CREM: variants seen among roughly 807,000 people sequenced by gnomAD.
The protein encoded by CREM is cAMP responsive element modulator.
CREM carries 13 observed loss-of-function variants against 37.3 expected under a neutral mutation model. That is an observed-to-expected ratio of 0.35 (90% CI 0.23 to 0.55). The LOEUF is 0.55. Among genes scored for constraint, CREM ranks in the 20% least tolerant of loss-of-function variants. The pLI is 0.88. For synonymous variants in CREM, 124 were observed against 120.2 expected, an observed-to-expected ratio of 1.03 and a Z score of -0.21; for missense variants, 296 against 362.3, an observed-to-expected ratio of 0.82 and a Z score of 1.49.
At chr10:35,210,450 T>G (rs934482123) in intron 7 of CREM, 1 of 152,252 alleles carries the variant, frequency 6.6e-6, no homozygotes, top group Non-Finnish European at 1.5e-5. Flanking sequence ...TTCTTTCATT[T>G]TGGGCTTATA....
intron 6 of CREM, among the ~76,000 whole-genome samples, chr10:35,201,685 C>T (rs534651547): frequency 1.3e-5 from 2 of 151,598 alleles, no homozygotes; most frequent in South Asian, 2.1e-4. Context: ...GATGGAAGCA[C>T]ATCATAATGA....
intron 3 of CREM, among the ~76,000 whole-genome samples, chr10:35,153,598 A>T (rs2092722278): frequency 1.3e-5 from 2 of 152,302 alleles, no homozygotes; most frequent in African/African-American, 4.8e-5. Context: ...GGTCATTCAG[A>T]TGGAGCCAGT....
intron 7 of CREM, chr10:35,210,377 G>T (rs1443868226): frequency 6.6e-6 from 1 of 152,164 alleles, no homozygotes; most frequent in African/African-American, 2.4e-5. Flanking sequence ...TTTTGGTGGG[G>T]TTATGTATGA....
chr10:35,189,181 T>C (rs555675301), intron 6 of CREM, among the ~76,000 whole-genome samples: 2 of 148,300 alleles, frequency 1.3e-5, no homozygotes, highest in South Asian at 2.1e-4. Context: ...TTTTTTGTTT[T>C]TTTTTGTTTG....
chr10:35,200,738 G>C (rs538748904), intron 6 of CREM, among the ~76,000 whole-genome samples: 2 of 152,288 alleles, frequency 1.3e-5, no homozygotes, highest in East Asian at 3.9e-4. Context: ...TGACATCTAA[G>C]TTAACCTCTG....
chr10:35,168,679 A>G (rs1368900805), intron 3 of CREM, among the ~76,000 whole-genome samples: 4 of 152,184 alleles, frequency 2.6e-5, no homozygotes, highest in South Asian at 4.1e-4. Flanking sequence ...GCCCATGCCT[A>G]TGTCCTGAAT....
At chr10:35,189,082 A>G (rs960719948) in intron 6 of CREM, among the ~76,000 whole-genome samples, 1 of 152,196 alleles carries the variant, frequency 6.6e-6, no homozygotes, top group Non-Finnish European at 1.5e-5. Flanking sequence ...TATTCAGGCT[A>G]TGATGCCCCA....
At chr10:35,127,854 C>T (rs1023678206) in intron 1 of CREM, among the ~76,000 whole-genome samples, 1 of 149,244 alleles carries the variant, frequency 6.7e-6, no homozygotes, top group Non-Finnish European at 1.5e-5. Flanking sequence ...ATTAAACATA[C>T]TTTTTTTTTT....
chr10:35,187,093 T>TA (rs1204095775), intron 5 of CREM, among the ~76,000 whole-genome samples: 8 of 41,318 alleles, frequency 1.9e-4, no homozygotes, highest in Non-Finnish European at 3.5e-4. Context: ...TAATATATAA[T>TA]ATATATGATA....
Position 35,137,792 on chromosome 10 carries a change from G to GA in CREM, c.-40dup. On this transcript the variant is annotated 5_prime_UTR_variant, in exon 2 of 8. Coordinates refer to ENST00000685392, the MANE Select transcript of CREM (RefSeq NM_183011.2). ...ATAATTTTACTGCAGGATAAATAAAGAAAACAGGAAAGGAGGAAAGCATTG... is the reference window on the plus strand; with the variant it reads ...ATAATTTTACTGCAGGATAAATAAAGAAAAACAGGAAAGGAGGAAAGCATTG... The GA allele has an allele frequency of 6.8e-7, 1 of 1,462,900 alleles. No individual in the cohort carries two copies. 90.6% of individuals were successfully genotyped at this position (1,462,900 alleles called of 1,614,324 possible).
chr10:35,182,750 A>G (rs1008096261), intron 5 of CREM, among the ~76,000 whole-genome samples: 4 of 152,222 alleles, frequency 2.6e-5, no homozygotes, highest in African/African-American at 9.6e-5. Context: ...TAAAATAGAC[A>G]GGGATCCATT....
At chr10:35,178,855 T>C (rs762702738) in intron 3 of CREM, 34 bp from the exon 4 acceptor site, 3 of 1,548,682 alleles carry the variant, frequency 1.9e-6, no homozygotes, top group Non-Finnish European at 2.7e-6. Flanking sequence ...GAGCATATAT[T>C]TTATGATACA....
At chr10:35,187,162 A>AATATTAATATAT (rs2094656382) in intron 5 of CREM, among the ~76,000 whole-genome samples, 1 of 59,666 alleles carries the variant, frequency 1.7e-5, no homozygotes, top group African/African-American at 5.9e-5. Flanking sequence ...TATAATATAT[A>AATATTAATATAT]TTATATATTA....
chr10:35,196,246 T>C, intron 6 of CREM: 1 of 661,974 alleles, frequency 1.5e-6, no homozygotes, highest in Non-Finnish European at 2.5e-6. Context: ...CCTCTAGTGT[T>C]CAGTCAGGGA....
chr10:35,131,940 G>C (rs2089458522), intron 1 of CREM, among the ~76,000 whole-genome samples: 1 of 152,172 alleles, frequency 6.6e-6, no homozygotes, highest in South Asian at 2.1e-4. Context: ...CATTGGCCGG[G>C]TGCGGTGGCT....
chr10:35,197,526 C>A (rs554206966), intron 6 of CREM, among the ~76,000 whole-genome samples: 29 of 151,936 alleles, frequency 1.9e-4, no homozygotes, highest in Non-Finnish European at 3.1e-4. Flanking sequence ...GATCTTGGCT[C>A]ACTGCAAGCT....
At chr10:35,184,893 C>G (rs1352020505) in intron 5 of CREM, among the ~76,000 whole-genome samples, 1 of 152,090 alleles carries the variant, frequency 6.6e-6, no homozygotes, top group Non-Finnish European at 1.5e-5. Flanking sequence ...TTGACTTGAT[C>G]GTTATTTAAA....
rs928539952 is a variant in CREM at position 35,175,681 on chromosome 10, C to G, written c.169-3208C>G. On this transcript the variant is annotated intron_variant, in intron 3 of 7. Transcript: ENST00000685392. ...AATGTCACATCAGAAAATGACTGTT[C>G]CAGGACAGTAACCACCTCCCGATGG... The G allele has an allele frequency of 6.2e-6, 10 of 1,613,900 alleles. No homozygotes were observed. The African/African-American group carries it at 1.1e-4, about 17-fold the overall frequency.
At chr10:35,150,107 C>T (rs1485106435) in intron 3 of CREM, among the ~76,000 whole-genome samples, 5 of 152,012 alleles carry the variant, frequency 3.3e-5, no homozygotes, top group Admixed American at 3.3e-4. Flanking sequence ...TATACTTTTT[C>T]TCATGATTTT....
Sources: allele counts gnomAD v4.1 joint callset (sites outside exome capture counted in the v4.1 genomes callset), GRCh38; gene constraint gnomAD v4.1.1; transcripts MANE v1.5; gene names NCBI Gene and HGNC (gene_info 2026-07-23, HGNC 2026-07-21).